The following LIN28B variants were observed in gnomAD, a reference collection of about 807,000 sequenced individuals.
LIN28B encodes the protein lin-28 RNA binding posttranscriptional regulator B.
Under a neutral mutation model 21.9 loss-of-function variants are expected in LIN28B, and 5 were observed. That is an observed-to-expected ratio of 0.23 (90% confidence interval 0.12 to 0.48). The LOEUF is 0.48. LIN28B is among the 20% of genes least tolerant of loss of function. The pLI, the probability that LIN28B is intolerant of heterozygous loss-of-function variation, is 0.98. For missense variants in LIN28B, 245 were observed against 310.5 expected (o/e 0.79, Z 1.58); for synonymous variants, 109 against 111.3 (o/e 0.98, Z 0.13).
At chr6:105,051,311 C>A (rs552063895) in intron 3 of LIN28B, among the ~76,000 whole-genome samples, 14 of 151,100 alleles carry the variant, frequency 9.3e-5, no homozygotes, top group Admixed American at 9.2e-4. Context: ...TGGTGGCGTG[C>A]ACCTGTAATC....
intron 3 of LIN28B, among the ~76,000 whole-genome samples, chr6:105,068,856 TA>T (rs2114412818): frequency 6.6e-6 from 1 of 152,292 alleles, no homozygotes; most frequent in East Asian, 1.9e-4. Context: ...ATAACATACT[TA>T]ATCATTTTTA....
intron 2 of LIN28B, among the ~76,000 whole-genome samples, chr6:105,010,267 G>T (rs1022717104): frequency 1.3e-5 from 2 of 151,594 alleles, no homozygotes; most frequent in Non-Finnish European, 2.9e-5. Context: ...TGAGGCTGAG[G>T]TGGGTGGATT....
At chr6:104,957,307 TCTCCTC>T in intron 1 of LIN28B, 47 bp downstream of exon 1, 2 of 1,416,336 alleles carry the variant, frequency 1.4e-6, no homozygotes, top group Non-Finnish European at 2.0e-6. Context: ...TTTCTTCTTT[TCTCCTC>T]CCCCTCCCCC....
intron 2 of LIN28B, chr6:104,940,577 C>G (rs1198876824): frequency 6.6e-6 from 1 of 150,542 alleles, no homozygotes; most frequent in African/African-American, 2.4e-5. Context: ...CTCGCGCGCT[C>G]GGCGCCGGCA....
chr6:105,070,808 A>G (rs1468610608), intron 3 of LIN28B, among the ~76,000 whole-genome samples: 2 of 151,690 alleles, frequency 1.3e-5, no homozygotes, highest in Non-Finnish European at 2.9e-5. Context: ...TCACCGTACT[A>G]TTTTCCCTGG....
intron 2 of LIN28B, among the ~76,000 whole-genome samples, chr6:104,974,584 T>G (rs1480454719): frequency 6.6e-6 from 1 of 151,850 alleles, no homozygotes; most frequent in African/African-American, 2.4e-5. Context: ...GGGCCCAAGT[T>G]TCTTCCATTG....
Position 105,081,176 on chromosome 6 carries a change from T to G in LIN28B, c.*2393T>G, listed in dbSNP as rs760793183. The G allele has an allele frequency of 6.6e-6, 1 of 152,660 alleles. No individual in the cohort carries two copies. The highest frequency in any genetic ancestry group is 1.5e-5 in the Non-Finnish European group (1 of 68,036). 9.5% of individuals were successfully genotyped at this position (152,660 alleles called of 1,614,324 possible). A position where few individuals can be genotyped will look rare whatever the true frequency, so the allele number is the denominator to read the frequency against. On this transcript the variant is annotated 3_prime_UTR_variant, in exon 4 of 4. Coordinates refer to ENST00000345080, the MANE Select transcript of LIN28B (RefSeq NM_001004317.4). ...ATATTTTTGTTGTTTCTTTACAGAC[T>G]AGTCTACAGTCCTGCTTACTCAAAA...
chr6:105,032,689 C>T (rs375221419), intron 3 of LIN28B, among the ~76,000 whole-genome samples: 1 of 152,020 alleles, frequency 6.6e-6, no homozygotes, highest in Admixed American at 6.6e-5. Flanking sequence ...TCTACTGCAC[C>T]CTAGCCAGGG....
intron 2 of LIN28B, among the ~76,000 whole-genome samples, chr6:104,990,439 T>C (rs1332697884): frequency 6.6e-6 from 1 of 152,136 alleles, no homozygotes; most frequent in Non-Finnish European, 1.5e-5. Flanking sequence ...GTGTTTCACC[T>C]GGTATAATTT....
intron 2 of LIN28B, among the ~76,000 whole-genome samples, chr6:105,020,551 T>G (rs537866630): frequency 1.3e-5 from 2 of 151,918 alleles, no homozygotes; most frequent in East Asian, 1.9e-4. Flanking sequence ...ACTCCTGAGC[T>G]CAAGCAGTCT....
chr6:105,046,286 G>A (rs967588503), intron 3 of LIN28B, among the ~76,000 whole-genome samples: 4 of 152,050 alleles, frequency 2.6e-5, no homozygotes, highest in Non-Finnish European at 5.9e-5. Context: ...TTGTCCTTGC[G>A]ATAGTTTGCT....
intron 2 of LIN28B, among the ~76,000 whole-genome samples, chr6:105,009,342 G>T (rs1323300305): frequency 6.6e-6 from 1 of 152,032 alleles, no homozygotes; most frequent in Non-Finnish European, 1.5e-5. Context: ...AATTATTTTA[G>T]ACTCTTTGAA....
intron 3 of LIN28B, among the ~76,000 whole-genome samples, chr6:105,061,440 G>C (rs1772119649): frequency 6.6e-6 from 1 of 151,962 alleles, no homozygotes; most frequent in African/African-American, 2.4e-5. Context: ...TATTTAGTTT[G>C]ATCTCTTTAG....
chr6:105,081,913 G>A lies in LIN28B; in HGVS notation c.*3130G>A, dbSNP rs1772549565. ...GCTTGCCAAGGAATGAACATGCAAT[G>A]CCATTACTAGCTATTGAGGGAAAAG... is the stretch of plus-strand genomic sequence containing the variant. On this transcript the variant is annotated 3_prime_UTR_variant, in exon 4 of 4. Transcript: ENST00000345080. 6.6e-6 allele frequency: 1 copy of A among 152,666 alleles called. No individual in the cohort carries two copies. 9.5% of individuals were successfully genotyped at this position (152,666 alleles called of 1,614,324 possible).
At position 104,977,306 on chromosome 6, in the gene LIN28B, A is replaced by G. The variant is rs558536530; in HGVS notation, c.198+19020A>G. ...TATTTTCTCCCAAATTCCTTCCTAC[A>G]TTCACTTTTGGAAATCATTGTCATC... is the stretch of plus-strand genomic sequence containing the variant. On this transcript the variant is annotated intron_variant, in intron 2 of 3. Coordinates refer to ENST00000345080, the MANE Select transcript of LIN28B (RefSeq NM_001004317.4). 7.2e-5 allele frequency among the ~76,000 whole-genome samples: 11 copies of G among 152,194 alleles called. 1 individual carries two copies. In the South Asian group the frequency reaches 2.3e-3, roughly 32 times the overall value.
At chr6:105,027,565 A>G (rs1434725992) in intron 3 of LIN28B, among the ~76,000 whole-genome samples, 1 of 151,934 alleles carries the variant, frequency 6.6e-6, no homozygotes, top group Non-Finnish European at 1.5e-5. Context: ...AAAAATAAGA[A>G]ATTTTTTTAG....
chr6:105,021,251 C>T (rs1771136058), intron 2 of LIN28B, among the ~76,000 whole-genome samples: 1 of 151,802 alleles, frequency 6.6e-6, no homozygotes, highest in South Asian at 2.1e-4. Context: ...ATATATACAC[C>T]ACATTTTCTT....
intron 2 of LIN28B, chr6:104,940,186 G>A (rs1002233849): frequency 5.9e-6 from 1 of 169,088 alleles, no homozygotes; most frequent in Non-Finnish European, 1.5e-5. Context: ...ACCTTGAATT[G>A]TGCTGTTCGG....
chr6:104,958,669 G>A (rs1319164425), intron 2 of LIN28B, among the ~76,000 whole-genome samples: 1 of 152,112 alleles, frequency 6.6e-6, no homozygotes, highest in Non-Finnish European at 1.5e-5. Flanking sequence ...AAAAAACAAA[G>A]CGAAACAGTT....
Sources: allele counts gnomAD v4.1 joint callset (sites outside exome capture counted in the v4.1 genomes callset), GRCh38; gene constraint gnomAD v4.1.1; transcripts MANE v1.5; gene names NCBI Gene and HGNC (gene_info 2026-07-23, HGNC 2026-07-21).